KCNIP4: variants seen among roughly 807,000 people sequenced by gnomAD.
The protein encoded by KCNIP4 is potassium voltage-gated channel interacting protein 4.
In KCNIP4, 12 loss-of-function variants were observed where a neutral mutation model predicts 34.0. The observed-to-expected ratio is 0.35, with a 90% confidence interval of 0.23 to 0.57. KCNIP4 has a LOEUF of 0.57. Among genes scored for constraint, KCNIP4 ranks in the 20% least tolerant of loss-of-function variants. The probability of loss-of-function intolerance (pLI) is 0.83; values close to 1 mark genes in which losing one functional copy is unlikely to be tolerated. For synonymous variants in KCNIP4, 124 were observed against 102.2 expected (o/e 1.21, Z -1.29); for missense variants, 238 against 311.7 (o/e 0.76, Z 1.78).
In KCNIP4 at chr4:21,770,466, T is replaced by G. The variant is rs140568455; in HGVS notation, c.61+178105A>C. On this transcript the variant is annotated intron_variant, in intron 1 of 8. Transcript: ENST00000382152. ...AATGATTTATATTCCTTTGAGTATA[T>G]ACCCAGTAATGTGATTGCTGGGTCA... Among the ~76,000 whole-genome samples the G allele has an allele frequency of 4.6e-3, 698 of 152,306 alleles. 2 individuals carry two copies. Among genetic ancestry groups the G allele is most frequent in the Non-Finnish European group, 7.2e-3 (488 of 68,030 alleles).
At chr4:21,517,989 C>T (rs1734902413) in intron 1 of KCNIP4, among the ~76,000 whole-genome samples, 1 of 152,144 alleles carries the variant, frequency 6.6e-6, no homozygotes, top group Non-Finnish European at 1.5e-5. Context: ...TCCCATCTCA[C>T]ACACAGGACA....
intron 1 of KCNIP4, among the ~76,000 whole-genome samples, chr4:21,452,236 C>G (rs1165440342): frequency 2.6e-5 from 4 of 152,000 alleles, no homozygotes; most frequent in Non-Finnish European, 5.9e-5. Context: ...ATTGTAAATT[C>G]TACACATCAC....
intron 1 of KCNIP4, among the ~76,000 whole-genome samples, chr4:21,868,325 G>A (rs759151807): frequency 3.9e-5 from 6 of 151,998 alleles, no homozygotes; most frequent in South Asian, 2.1e-4. Flanking sequence ...TACACATTAC[G>A]CATTTTATAT....
intron 1 of KCNIP4, among the ~76,000 whole-genome samples, chr4:21,782,223 TGA>T (rs1035859755): frequency 2.5e-4 from 38 of 152,270 alleles, no homozygotes; most frequent in African/African-American, 8.7e-4. Context: ...TCAAATATAA[TGA>T]TATATATACG....
chr4:20,785,924 T>A (rs1711921292), intron 3 of KCNIP4, among the ~76,000 whole-genome samples: 1 of 151,846 alleles, frequency 6.6e-6, no homozygotes, highest in South Asian at 2.1e-4. Flanking sequence ...GAATTACAAT[T>A]TGACCCAGGA....
In KCNIP4 at chr4:21,757,179, G is replaced by A. The variant is rs1181858908; in HGVS notation, c.61+191392C>T. Among the ~76,000 whole-genome samples, 7 of 29,482 alleles carry A rather than the reference G, an allele frequency of 2.4e-4. 1 individual carries two copies. Among genetic ancestry groups the A allele is most frequent in the African/African-American group, 5.9e-4 (3 of 5,122 alleles). 19.3% of individuals were successfully genotyped at this position (29,482 alleles called of 152,430 possible). On this transcript the variant is annotated intron_variant, in intron 1 of 8. Transcript: ENST00000382152. ...AGAAAGAAAGAAAGAAGGAAGGAAGGAAGGAAGGAAGGAAGGAAGGAAAGA... is the reference window on the plus strand; with the variant it reads ...AGAAAGAAAGAAAGAAGGAAGGAAGAAAGGAAGGAAGGAAGGAAGGAAAGA...
At chr4:21,716,036 T>A (rs1417487802) in intron 1 of KCNIP4, among the ~76,000 whole-genome samples, 2 of 152,086 alleles carry the variant, frequency 1.3e-5, no homozygotes, top group Non-Finnish European at 2.9e-5. Context: ...CTGGAGAAAA[T>A]TTGCATACAA....
intron 1 of KCNIP4, among the ~76,000 whole-genome samples, chr4:21,633,456 C>T (rs187659254): frequency 1.3e-5 from 2 of 152,176 alleles, no homozygotes; most frequent in East Asian, 3.9e-4. Flanking sequence ...TTTCCTTTTT[C>T]TAGAGTACTG....
chr4:21,003,628 C>T (rs10034991), intron 1 of KCNIP4, among the ~76,000 whole-genome samples: 84,196 of 151,982 alleles, frequency 0.55, 23,719 homozygotes, highest in African/African-American at 0.64. Context: ...ACTAGAGAAG[C>T]CTAGCAATTT....
intron 1 of KCNIP4, among the ~76,000 whole-genome samples, chr4:21,584,521 A>G (rs1359851615): frequency 6.6e-6 from 1 of 152,092 alleles, no homozygotes; most frequent in Non-Finnish European, 1.5e-5. Flanking sequence ...GAAAATTTAG[A>G]GAGTATAGAG....
chr4:21,579,495 T>G (rs1741035854), intron 1 of KCNIP4, among the ~76,000 whole-genome samples: 1 of 152,228 alleles, frequency 6.6e-6, no homozygotes, highest in Non-Finnish European at 1.5e-5. Flanking sequence ...GCTTGCTATG[T>G]AATCTATTAA....
At chr4:21,675,638 T>C (rs769585749) in intron 1 of KCNIP4, among the ~76,000 whole-genome samples, 122 of 152,288 alleles carry the variant, frequency 8.0e-4, no homozygotes, top group South Asian at 1.0e-3. Flanking sequence ...AATCTGGGCA[T>C]TTTCTAAAAA....
At chr4:21,302,715 T>TC (rs910656629) in intron 1 of KCNIP4, among the ~76,000 whole-genome samples, 44 of 152,066 alleles carry the variant, frequency 2.9e-4, no homozygotes, top group Non-Finnish European at 6.2e-4. Context: ...GCGCCCTGCA[T>TC]CCCCCGCCCC....
intron 1 of KCNIP4, among the ~76,000 whole-genome samples, chr4:21,407,595 T>C (rs1349979928): frequency 6.6e-6 from 1 of 152,166 alleles, no homozygotes; most frequent in Non-Finnish European, 1.5e-5. Context: ...AGCAGCTAAA[T>C]ATCTTAAGCA....
At chr4:20,798,446 A>G (rs1713768273) in intron 3 of KCNIP4, among the ~76,000 whole-genome samples, 1 of 152,044 alleles carries the variant, frequency 6.6e-6, no homozygotes. Flanking sequence ...ATTTCCTTGG[A>G]GTGACATCAA....
intron 1 of KCNIP4, among the ~76,000 whole-genome samples, chr4:21,431,013 G>T (rs1726395134): frequency 6.6e-6 from 1 of 151,978 alleles, no homozygotes; most frequent in Admixed American, 6.6e-5. Flanking sequence ...AATGGAATAT[G>T]CTTCTGGTGT....
chr4:21,225,833 G>C (rs150690864), intron 1 of KCNIP4, among the ~76,000 whole-genome samples: 1 of 152,084 alleles, frequency 6.6e-6, no homozygotes, highest in Non-Finnish European at 1.5e-5. Flanking sequence ...GACAAGATAG[G>C]CTTAGTCAAC....
At chr4:21,933,630 C>T (rs1232347667) in intron 1 of KCNIP4, among the ~76,000 whole-genome samples, 4 of 151,954 alleles carry the variant, frequency 2.6e-5, no homozygotes, top group African/African-American at 7.2e-5. Flanking sequence ...GTATCTGTAA[C>T]CCCAAAGCAC....
At chr4:21,818,673 G>T (rs1027115346) in intron 1 of KCNIP4, among the ~76,000 whole-genome samples, 1 of 152,200 alleles carries the variant, frequency 6.6e-6, no homozygotes, top group Admixed American at 6.5e-5. Flanking sequence ...AGAAATTTCT[G>T]TTGGATACTG....
Sources: gnomAD v4.1 joint callset for allele counts (sites outside exome capture counted in the v4.1 genomes callset) on GRCh38, gnomAD v4.1.1 for gene constraint, MANE v1.5 for transcripts, NCBI Gene and HGNC (gene_info 2026-07-23, HGNC 2026-07-21) for gene names.